The following PGP variants were observed in gnomAD, a reference collection of about 807,000 sequenced individuals.
PGP encodes phosphoglycolate phosphatase, also known as aspartate-based ubiquitous Mg(2+)-dependent phosphatase.
Under a neutral mutation model 19.3 loss-of-function variants are expected in PGP, and 9 were observed. That is an observed-to-expected ratio of 0.47 (90% confidence interval 0.28 to 0.81). PGP has a LOEUF of 0.81. Ranked by LOEUF, PGP falls within the 40% of genes least tolerant of loss-of-function variation. The pLI, the probability that PGP is intolerant of heterozygous loss-of-function variation, is 0.11. For missense variants in PGP, 403 were observed against 479.9 expected (o/e 0.84, Z 1.50); for synonymous variants, 308 against 226.8 (o/e 1.36, Z -3.22).
At position 2,211,785 on chromosome 16, in the gene PGP, C is replaced by A. The variant is rs897681972; in HGVS notation, c.*1943G>T. 5.1e-5 allele frequency: 50 copies of A among 985,520 alleles called. No individual in the cohort carries two copies. The highest frequency in any genetic ancestry group is 5.8e-5 in the Non-Finnish European group (48 of 830,072). 61.0% of individuals were successfully genotyped at this position (985,520 alleles called of 1,614,324 possible). ...ACACGGCAGCCCACCAGCTTCACTC[C>A]AGGGCCCTTTGCTTCCCTGGCTTCC... On this transcript the variant is annotated 3_prime_UTR_variant, in exon 2 of 2. Transcript: ENST00000333503.
chr16:2,212,072 G>A lies in PGP; in HGVS notation c.*1656C>T. On this transcript the variant is annotated 3_prime_UTR_variant, in exon 2 of 2. Coordinates refer to ENST00000333503, the MANE Select transcript of PGP (RefSeq NM_001042371.3). ...TCATGGGCCAGAGACAGGATGCACG[G>A]GGACTCCCAGCCCCTACCCGGCAAG... is the stretch of plus-strand genomic sequence containing the variant. The A allele has an allele frequency of 2.0e-6, 2 of 985,504 alleles. No individual in the cohort carries two copies. The highest frequency in any genetic ancestry group is 2.4e-6 in the Non-Finnish European group (2 of 829,946). The allele number at this position is 985,504 out of a possible 1,614,324, so 61.0% of individuals were successfully genotyped here. A position where few individuals can be genotyped will look rare whatever the true frequency, so the allele number is the denominator to read the frequency against.
rs1301618343 is a variant in PGP, at chr16:2,214,339, G to A, written c.439C>T (p.Pro147Ser). The A allele has an allele frequency of 3.1e-5, 47 of 1,526,838 alleles. No individual in the cohort carries two copies. The highest frequency in any genetic ancestry group is 4.0e-5 in the Non-Finnish European group (46 of 1,143,442). 94.6% of individuals were successfully genotyped at this position (1,526,838 alleles called of 1,614,324 possible). ...GVASVGVGPE[P>S]LQGEGPGDWL... ...TCGCCGGGACCCTCGCCCTGCAGTG[G>A]CTCGGGCCCCACGCCCACGCTGGCG... Residue 147 changes from proline to serine, a missense_variant, in exon 1 of 2, where the codon CCA becomes TCA. Transcript: ENST00000333503. This position sits in a 1 kb window ranked among gnomAD's most constrained non-coding sequence, Gnocchi z 7.1.
chr16:2,213,773 G>A lies in PGP; in HGVS notation c.921C>T (p.Phe307=). ...AAAGGTCGGCTATGCTGTCAACATA[G>A]AAGTCAGGGACCATTTTCTTCTTAG... The part of the protein sequence containing the change: ...CVSKKKMVPD[F]YVDSIADLLP... Residue 307 remains phenylalanine, a synonymous_variant, in exon 2 of 2, where the codon TTC becomes TTT. Transcript: ENST00000333503. 1 of 1,586,514 alleles carries A rather than the reference G, an allele frequency of 6.3e-7. No individual in the cohort carries two copies. Among genetic ancestry groups the A allele is most frequent in the Non-Finnish European group, 8.6e-7 (1 of 1,160,492 alleles).
rs1336311121 is a variant in PGP at position 2,212,898 on chromosome 16, C to T, written c.*830G>A. On this transcript the variant is annotated 3_prime_UTR_variant, in exon 2 of 2. Coordinates refer to ENST00000333503, the MANE Select transcript of PGP (RefSeq NM_001042371.3). Reference sequence around the variant, plus strand: ...TACACTTAAAATTCAAATCCATTGCCTGACACAGTTGTTCAAAGTTAAAAA... The same window carrying T: ...TACACTTAAAATTCAAATCCATTGCTTGACACAGTTGTTCAAAGTTAAAAA... 1 of 981,028 alleles carries T rather than the reference C, an allele frequency of 1.0e-6. No individual in the cohort carries two copies. Among genetic ancestry groups the T allele is most frequent in the Non-Finnish European group, 1.2e-6 (1 of 829,086 alleles). The allele number at this position is 981,028 out of a possible 1,614,324, so 60.8% of individuals were successfully genotyped here. A position where few individuals can be genotyped will look rare whatever the true frequency, so the allele number is the denominator to read the frequency against.
Position 2,214,123 on chromosome 16 carries a change from C to G in PGP, c.640+15G>C, listed in dbSNP as rs988079639. ...GCCGCCCGCCCCCCAGCCTCCCGCC[C>G]CAGGGCGCACGGACCCGCGATGAAG... On this transcript the variant is annotated intron_variant, in intron 1 of 1. Transcript: ENST00000333503. The surrounding 1 kb of genome is among the most constrained non-coding windows in gnomAD (Gnocchi z 7.1). The G allele has an allele frequency of 6.4e-7, 1 of 1,553,148 alleles. No individual in the cohort carries two copies. Among genetic ancestry groups the G allele is most frequent in the Admixed American group, 1.9e-5 (1 of 53,770 alleles).
chr16:2,211,950 A>G lies in PGP; in HGVS notation c.*1778T>C. 4 of 985,550 alleles carry G rather than the reference A, an allele frequency of 4.1e-6. No individual in the cohort carries two copies. Among genetic ancestry groups the G allele is most frequent in the Non-Finnish European group, 4.8e-6 (4 of 829,988 alleles). The allele number at this position is 985,550 out of a possible 1,614,324, so 61.1% of individuals were successfully genotyped here. A position where few individuals can be genotyped will look rare whatever the true frequency, so the allele number is the denominator to read the frequency against. ...GTCCTCCCACCCGTGGTGAGACGGC[A>G]TCACCCGGGCCAATGCAAGGTGAGA... On this transcript the variant is annotated 3_prime_UTR_variant, in exon 2 of 2. Coordinates refer to ENST00000333503, the MANE Select transcript of PGP (RefSeq NM_001042371.3).
Position 2,211,682 on chromosome 16 carries a change from C to T in PGP, c.*2046G>A, listed in dbSNP as rs26851. ...ATCCACCTGCCTCAGCCTTCCAAAG[C>T]GTTGGGATTACGGGTGTGAGCCACT... On this transcript the variant is annotated 3_prime_UTR_variant, in exon 2 of 2. Coordinates refer to ENST00000333503, the MANE Select transcript of PGP (RefSeq NM_001042371.3). 513,267 of 984,276 alleles carry T rather than the reference C, an allele frequency of 0.52. 134,821 individuals are homozygous for T. The highest frequency in any genetic ancestry group is 0.62 in the East Asian group (5,462 of 8,796). 61.0% of individuals were successfully genotyped at this position (984,276 alleles called of 1,614,324 possible).
rs1396827378 is a variant in PGP at position 2,213,378 on chromosome 16, A to G, written c.*350T>C. On this transcript the variant is annotated 3_prime_UTR_variant, in exon 2 of 2. Coordinates refer to ENST00000333503, the MANE Select transcript of PGP (RefSeq NM_001042371.3). Reference sequence around the variant, plus strand: ...GCTGGATCCCTGAATGAGTTTTTCAATAAAATACAGGACACACACCCCTAG... The same window carrying G: ...GCTGGATCCCTGAATGAGTTTTTCAGTAAAATACAGGACACACACCCCTAG... 1.9e-5 allele frequency: 19 copies of G among 1,003,906 alleles called. No individual in the cohort carries two copies. The South Asian group carries it at 5.0e-4, about 26-fold the overall frequency. The allele number at this position is 1,003,906 out of a possible 1,614,324, so 62.2% of individuals were successfully genotyped here.
Position 2,214,826 on chromosome 16 carries a change from C to G in PGP, c.-49G>C, listed in dbSNP as rs926768803. ...CCGCCGGCCGCTCCTCGCAGCCGCC[C>G]GCCGCGGCGCCCTCCCCGCCCCCGG... On this transcript the variant is annotated 5_prime_UTR_variant, in exon 1 of 2. Transcript: ENST00000333503. This position sits in a 1 kb window ranked among gnomAD's most constrained non-coding sequence, Gnocchi z 7.1. The G allele has an allele frequency of 1.5e-6, 1 of 659,794 alleles. No homozygotes were observed. The highest frequency in any genetic ancestry group is 1.9e-6 in the Non-Finnish European group (1 of 534,082). The allele number at this position is 659,794 out of a possible 1,614,324, so 40.9% of individuals were successfully genotyped here.
rs1374828097 is a variant in PGP, at chr16:2,212,095, AAG to A, written c.*1631_*1632del. On this transcript the variant is annotated 3_prime_UTR_variant, in exon 2 of 2. Coordinates refer to ENST00000333503, the MANE Select transcript of PGP (RefSeq NM_001042371.3). ...CGGGGACTCCCAGCCCCTACCCGGC[AAG>A]AGAGGCATCACTGAGGCTGCATCTG... 2 of 985,444 alleles carry A rather than the reference AAG, an allele frequency of 2.0e-6. No homozygotes were observed. The highest frequency in any genetic ancestry group is 6.1e-5 in the Admixed American group (1 of 16,274). 61.0% of individuals were successfully genotyped at this position (985,444 alleles called of 1,614,324 possible).
At position 2,212,487 on chromosome 16, in the gene PGP, G is replaced by A; in HGVS notation, c.*1241C>T. 1 of 985,600 alleles carries A rather than the reference G, an allele frequency of 1.0e-6. No homozygotes were observed. Among genetic ancestry groups the A allele is most frequent in the Non-Finnish European group, 1.2e-6 (1 of 829,998 alleles). 61.1% of individuals were successfully genotyped at this position (985,600 alleles called of 1,614,324 possible). On this transcript the variant is annotated 3_prime_UTR_variant, in exon 2 of 2. Transcript: ENST00000333503. ...AGCCAAGGAGCAGGCAGGAGAGGCT[G>A]GAGCCCCGCCCAGAACCTTGGCGAG...
Position 2,213,587 on chromosome 16 carries a change from A to G in PGP, c.*141T>C. ...CCCCCAAACGTGTACTTACAAGGTT[A>G]ACAATGAATGCCTTTGCTTAACTCC... On this transcript the variant is annotated 3_prime_UTR_variant, in exon 2 of 2. Coordinates refer to ENST00000333503, the MANE Select transcript of PGP (RefSeq NM_001042371.3). 1.2e-6 allele frequency: 1 copy of G among 820,030 alleles called. No homozygotes were observed. The highest frequency in any genetic ancestry group is 1.8e-6 in the Non-Finnish European group (1 of 564,216). 50.8% of individuals were successfully genotyped at this position (820,030 alleles called of 1,614,324 possible).
chr16:2,212,494 C>T lies in PGP; in HGVS notation c.*1234G>A, dbSNP rs151029804. On this transcript the variant is annotated 3_prime_UTR_variant, in exon 2 of 2. Transcript: ENST00000333503. ...GAGCAGGCAGGAGAGGCTGGAGCCC[C>T]GCCCAGAACCTTGGCGAGCTGGTGG... 655 of 985,552 alleles carry T rather than the reference C, an allele frequency of 6.6e-4. 2 individuals are homozygous for T. In the Middle Eastern group the frequency reaches 0.011, roughly 17 times the overall value. The allele number at this position is 985,552 out of a possible 1,614,324, so 61.1% of individuals were successfully genotyped here. A position where few individuals can be genotyped will look rare whatever the true frequency, so the allele number is the denominator to read the frequency against.
rs563436875 is a variant in PGP at position 2,213,928 on chromosome 16, C to T, written c.766G>A (p.Val256Ile). ...QEYGINPERT[V>I]MVGDRLDTDI... is the part of the protein sequence containing the mutation. ...GTGTCCAGGCGGTCTCCCACCATGA[C>T]GGTGCGCTCGGGGTTGATGCCGTAT... is the stretch of plus-strand genomic sequence containing the variant. Residue 256 changes from valine to isoleucine, a missense_variant, in exon 2 of 2, where the codon GTC becomes ATC. Val to Ile is a conservative substitution (Grantham distance 29). Transcript: ENST00000333503. 18 of 1,613,160 alleles carry T rather than the reference C, an allele frequency of 1.1e-5. No individual in the cohort carries two copies. The South Asian group carries it at 1.4e-4, about 13-fold the overall frequency.
chr16:2,213,527 C>T lies in PGP; in HGVS notation c.*201G>A. 1.5e-6 allele frequency: 1 copy of T among 678,480 alleles called. No homozygotes were observed. The highest frequency in any genetic ancestry group is 2.2e-6 in the Non-Finnish European group (1 of 454,978). 42.0% of individuals were successfully genotyped at this position (678,480 alleles called of 1,614,324 possible). On this transcript the variant is annotated 3_prime_UTR_variant, in exon 2 of 2. Transcript: ENST00000333503. ...ACAACGCCTTCCAAGCCTAAAAGTGCATCTTCGATTACAAGCATCTGTAAA... is the reference window on the plus strand; with the variant it reads ...ACAACGCCTTCCAAGCCTAAAAGTGTATCTTCGATTACAAGCATCTGTAAA...
rs1319698966 is a variant in PGP at position 2,214,104 on chromosome 16, C to G, written c.640+34G>C. On this transcript the variant is annotated intron_variant, in intron 1 of 1. Coordinates refer to ENST00000333503, the MANE Select transcript of PGP (RefSeq NM_001042371.3). The surrounding 1 kb of genome is among the most constrained non-coding windows in gnomAD (Gnocchi z 7.1). ...AAGGGCAGGGAGGGGGCCCGCCGCC[C>G]GCCCCCCAGCCTCCCGCCCCAGGGC... is the stretch of plus-strand genomic sequence containing the variant. The G allele has an allele frequency of 2.0e-6, 3 of 1,536,946 alleles. No individual in the cohort carries two copies. Among genetic ancestry groups the G allele is most frequent in the Non-Finnish European group, 2.6e-6 (3 of 1,149,784 alleles).
chr16:2,211,870 G>T lies in PGP; in HGVS notation c.*1858C>A, dbSNP rs1244349020. 6.1e-6 allele frequency: 6 copies of T among 985,422 alleles called. No homozygotes were observed. The South Asian group carries it at 2.3e-4, about 39-fold the overall frequency. The allele number at this position is 985,422 out of a possible 1,614,324, so 61.0% of individuals were successfully genotyped here. On this transcript the variant is annotated 3_prime_UTR_variant, in exon 2 of 2. Transcript: ENST00000333503. Reference sequence around the variant, plus strand: ...TCTTCCTCTGAACCAGGCTGGGAGTGGGCAGTTGGCATTCCAGCTCTGGAG... The same window carrying T: ...TCTTCCTCTGAACCAGGCTGGGAGTTGGCAGTTGGCATTCCAGCTCTGGAG...
In PGP at chr16:2,214,334, C is replaced by T. The variant is rs1567288263; in HGVS notation, c.444G>A (p.Leu148=). 1 of 1,532,394 alleles carries T rather than the reference C, an allele frequency of 6.5e-7. No homozygotes were observed. The highest frequency in any genetic ancestry group is 2.0e-5 in the Admixed American group (1 of 51,022). 94.9% of individuals were successfully genotyped at this position (1,532,394 alleles called of 1,614,324 possible). Residue 148 remains leucine (L), a synonymous_variant, in exon 1 of 2, where the codon CTG becomes CTA. Coordinates refer to ENST00000333503, the MANE Select transcript of PGP (RefSeq NM_001042371.3). This position sits in a 1 kb window ranked among gnomAD's most constrained non-coding sequence, Gnocchi z 7.1. The part of the protein sequence containing the change: ...VASVGVGPEP[L]QGEGPGDWLH... ...GCCAGTCGCCGGGACCCTCGCCCTG[C>T]AGTGGCTCGGGCCCCACGCCCACGC...
rs1249361234 is a variant in PGP at position 2,213,762 on chromosome 16, C to G, written c.932G>C (p.Ser311Thr). The G allele has an allele frequency of 2.5e-6, 4 of 1,569,120 alleles. No individual in the cohort carries two copies. The African/African-American group carries it at 5.4e-5, about 21-fold the overall frequency. Residue 311 changes from serine (S) to threonine (T), a missense_variant, in exon 2 of 2, where the codon AGC becomes ACC. Coordinates refer to ENST00000333503, the MANE Select transcript of PGP (RefSeq NM_001042371.3). ...AAGGGCAGGCAAAAGGTCGGCTATG[C>G]TGTCAACATAGAAGTCAGGGACCAT... is the stretch of plus-strand genomic sequence containing the variant. ...KKMVPDFYVD[S>T]IADLLPALQG
Sources: allele counts gnomAD v4.1 joint callset, GRCh38; gene constraint gnomAD v4.1.1; non-coding constraint Gnocchi (gnomAD v3.1); transcripts MANE v1.5; gene names NCBI Gene and HGNC (gene_info 2026-07-23, HGNC 2026-07-21).